The following MYO10 variants were observed in gnomAD, a reference collection of about 807,000 sequenced individuals.
The protein encoded by MYO10 is myosin X.
MYO10 carries 133 observed loss-of-function variants against 257.3 expected under a neutral mutation model. That is an observed-to-expected ratio of 0.52 (90% CI 0.45 to 0.60). The LOEUF is 0.60. MYO10 is among the 20% of genes least tolerant of loss of function. The pLI is 0.00. For synonymous variants in MYO10, 1,104 were observed against 1,028.6 expected (o/e 1.07, Z -1.40); for missense variants, 2,399 against 2,635.7 (o/e 0.91, Z 1.97).
At chr5:16,813,537 T>TGA (rs751097332) in intron 3 of MYO10, among the ~76,000 whole-genome samples, 11 of 146,164 alleles carry the variant, frequency 7.5e-5, no homozygotes, top group Non-Finnish European at 1.3e-4. Context: ...GGAGACAAAG[T>TGA]GAGACCCTGG....
At chr5:16,760,573 G>T (rs561548491) in intron 17 of MYO10, among the ~76,000 whole-genome samples, 16 of 152,104 alleles carry the variant, frequency 1.1e-4, no homozygotes, top group Admixed American at 1.3e-4. Flanking sequence ...ATTTAATGGT[G>T]TAAATTTATA....
chr5:16,687,623 C>G (rs527337294), intron 28 of MYO10, among the ~76,000 whole-genome samples: 3 of 151,716 alleles, frequency 2.0e-5, no homozygotes, highest in African/African-American at 7.3e-5. Flanking sequence ...GCTGTGCAAA[C>G]GATTTACAGC....
intron 3 of MYO10, chr5:16,814,742 A>T (rs1468108825): frequency 6.6e-6 from 1 of 152,112 alleles, no homozygotes; most frequent in Non-Finnish European, 1.5e-5. Context: ...CAATTTTGCA[A>T]GCCTCAAACG....
intron 2 of MYO10, among the ~76,000 whole-genome samples, chr5:16,827,731 T>C (rs1480086309): frequency 6.6e-6 from 1 of 152,208 alleles, no homozygotes; most frequent in African/African-American, 2.4e-5. Flanking sequence ...AGGTTTTCAA[T>C]GCCCAGTGTA....
chr5:16,752,225 A>C (rs1201039191), intron 19 of MYO10, among the ~76,000 whole-genome samples: 2 of 152,200 alleles, frequency 1.3e-5, no homozygotes, highest in Non-Finnish European at 2.9e-5. Flanking sequence ...AAAGCTTCCA[A>C]TTAGACTATG....
At chr5:16,841,505 T>G (rs1430590375) in intron 2 of MYO10, among the ~76,000 whole-genome samples, 2 of 152,188 alleles carry the variant, frequency 1.3e-5, no homozygotes, top group Non-Finnish European at 2.9e-5. Flanking sequence ...CTCTGCGAAC[T>G]TAATACCCTT....
chr5:16,889,443 G>A (rs893553845), intron 1 of MYO10, among the ~76,000 whole-genome samples: 1 of 149,252 alleles, frequency 6.7e-6, no homozygotes, highest in Non-Finnish European at 1.5e-5. Flanking sequence ...GGAAGGAAAG[G>A]AAAGGAAAGA....
At chr5:16,854,720 TAAAACAAAAC>T (rs550093716) in intron 2 of MYO10, among the ~76,000 whole-genome samples, 9 of 152,042 alleles carry the variant, frequency 5.9e-5, no homozygotes, top group African/African-American at 2.2e-4. Flanking sequence ...ACTGTTCAAT[TAAAACAAAAC>T]AAAACAAAAC....
intron 1 of MYO10, among the ~76,000 whole-genome samples, chr5:16,892,943 C>A (rs1164395084): frequency 6.6e-6 from 1 of 152,070 alleles, no homozygotes; most frequent in Non-Finnish European, 1.5e-5. Context: ...CACCTGTAAT[C>A]CCACCACTTT....
In MYO10 at chr5:16,718,080, G is replaced by A. The variant is rs562970155; in HGVS notation, c.1930-6835C>T. On this transcript the variant is annotated intron_variant, in intron 19 of 40. Transcript: ENST00000513610. The stretch of plus-strand genomic sequence containing the variant: ...CAGCCCTGCTGGCCCCGGGCAATGG[G>A]GGACTTAGCACCTGGGCCAGTGGCT... Among the ~76,000 whole-genome samples the A allele has an allele frequency of 6.8e-4, 103 of 152,364 alleles. 1 individual carries two copies. The highest frequency in any genetic ancestry group is 2.3e-3 in the African/African-American group (95 of 41,592).
chr5:16,762,242 C>T (rs1369846998), intron 15 of MYO10, 129 bp from the exon 16 acceptor site: 1 of 1,198,798 alleles, frequency 8.3e-7, no homozygotes, highest in Non-Finnish European at 1.1e-6. Flanking sequence ...CATGGATCTG[C>T]GTTTCAGGAC....
chr5:16,751,543 G>A (rs1354182624), intron 19 of MYO10, among the ~76,000 whole-genome samples: 1 of 151,890 alleles, frequency 6.6e-6, no homozygotes, highest in Non-Finnish European at 1.5e-5. Flanking sequence ...GTGCAATGTC[G>A]TGATCTCAGC....
rs192071652 is a variant in MYO10 at position 16,818,425 on chromosome 5, T to C, written c.121-258A>G. Among the ~76,000 whole-genome samples the C allele has an allele frequency of 4.2e-4, 62 of 146,908 alleles. 1 individual carries two copies. The East Asian group carries it at 4.6e-3, about 11-fold the overall frequency. On this transcript the variant is annotated intron_variant, in intron 2 of 40. Coordinates refer to ENST00000513610, the MANE Select transcript of MYO10 (RefSeq NM_012334.3). ...GTGTGTGTGTGTATATATATATATA[T>C]ACACATATCTTTGTTGTTGTTGTTG...
chr5:16,865,464 A>T (rs1331061115), intron 2 of MYO10, among the ~76,000 whole-genome samples: 1 of 152,192 alleles, frequency 6.6e-6, no homozygotes, highest in Non-Finnish European at 1.5e-5. Flanking sequence ...AAAGATACAA[A>T]CCATACTTTC....
intron 19 of MYO10, among the ~76,000 whole-genome samples, chr5:16,718,538 C>T (rs1739001163): frequency 6.6e-6 from 1 of 152,104 alleles, no homozygotes; most frequent in South Asian, 2.1e-4. Flanking sequence ...TATCTAGCTG[C>T]TCTGGTGAGG....
chr5:16,919,877 C>A (rs1012412805), intron 1 of MYO10, among the ~76,000 whole-genome samples: 1 of 152,064 alleles, frequency 6.6e-6, no homozygotes, highest in Non-Finnish European at 1.5e-5. Context: ...CTTTGGGTGG[C>A]TAAGGTGGGT....
chr5:16,697,591 A>G (rs1178139903), intron 26 of MYO10, among the ~76,000 whole-genome samples: 1 of 152,016 alleles, frequency 6.6e-6, no homozygotes, highest in Non-Finnish European at 1.5e-5. Context: ...CCAGCTACTC[A>G]GGAGGCTAAG....
chr5:16,804,819 G>T (rs913688417), intron 3 of MYO10, among the ~76,000 whole-genome samples: 2 of 152,154 alleles, frequency 1.3e-5, no homozygotes, highest in Non-Finnish European at 2.9e-5. Context: ...GCAGGCTGAG[G>T]TGGGAGGATC....
intron 2 of MYO10, among the ~76,000 whole-genome samples, chr5:16,875,654 G>C (rs1202707055): frequency 1.3e-5 from 2 of 152,170 alleles, no homozygotes; most frequent in South Asian, 4.1e-4. Context: ...AAATGAAGGA[G>C]TTACAAACAC....
Sources: allele counts gnomAD v4.1 joint callset (sites outside exome capture counted in the v4.1 genomes callset), GRCh38; gene constraint gnomAD v4.1.1; transcripts MANE v1.5; gene names NCBI Gene and HGNC (gene_info 2026-07-23, HGNC 2026-07-21).